Variants in ZNF471 observed in about 807,000 individuals in gnomAD.
ZNF471 encodes the protein zinc finger protein 471.
Under a neutral mutation model 13.7 loss-of-function variants are expected in ZNF471, and 7 were observed. That is an observed-to-expected ratio of 0.51 (90% CI 0.29 to 0.96). ZNF471 has a LOEUF of 0.96. Ranked by LOEUF, ZNF471 falls within the 40% of genes least tolerant of loss-of-function variation. The pLI is 0.08. For missense variants in ZNF471, 663 were observed against 743.3 expected (o/e 0.89, Z 1.26); for synonymous variants, 218 against 235.6 (o/e 0.93, Z 0.68).
Position 56,529,935 on chromosome 19 carries a change from TAGTC to T in ZNF471, c.*3991_*3994del, listed in dbSNP as rs1470785997. 6.6e-6 allele frequency: 1 copy of T among 152,218 alleles called. No individual in the cohort carries two copies. The highest frequency in any genetic ancestry group is 1.5e-5 in the Non-Finnish European group (1 of 68,026). 9.4% of individuals were successfully genotyped at this position (152,218 alleles called of 1,614,324 possible). A position where few individuals can be genotyped will look rare whatever the true frequency, so the allele number is the denominator to read the frequency against. ...TTACCCTTTGCCACAATTCTACACCTAGTCAGTTATGTTCTCAAAAAGCACAAGT... is the reference window on the plus strand; with the variant it reads ...TTACCCTTTGCCACAATTCTACACCTAGTTATGTTCTCAAAAAGCACAAGT... On this transcript the variant is annotated 3_prime_UTR_variant, in exon 5 of 5. Transcript: ENST00000308031.
chr19:56,513,359 G>A (rs2043836014), intron 2 of ZNF471, among the ~76,000 whole-genome samples: 1 of 152,178 alleles, frequency 6.6e-6, no homozygotes. Flanking sequence ...TTTGTTTTAA[G>A]TCAGTGTTCA....
In ZNF471 at chr19:56,525,301, T is replaced by C. The variant is rs767294295; in HGVS notation, c.1234T>C (p.Phe412Leu). ...CAAATGTGGTGTGTGTGGAAAAACC[T>C]TCAGCTCGGGTTCATCCCGTACTGT... ...PYKCGVCGKT[F>L]SSGSSRTVHQ... is the part of the protein sequence containing the mutation. Residue 412 changes from phenylalanine (F) to leucine (L), a missense_variant, in exon 5 of 5, where the codon TTC becomes CTC. By Grantham distance (22) the Phe-to-Leu change is conservative. Coordinates refer to ENST00000308031, the MANE Select transcript of ZNF471 (RefSeq NM_020813.4). The C allele has an allele frequency of 3.8e-5, 62 of 1,611,768 alleles. No homozygotes were observed. The highest frequency in any genetic ancestry group is 4.8e-5 in the Non-Finnish European group (56 of 1,178,508).
Position 56,525,399 on chromosome 19 carries a change from ATCAC to A in ZNF471, c.1340_1343del (p.Thr447SerfsTer31), listed in dbSNP as rs778660012. 14 of 1,614,018 alleles carry A rather than the reference ATCAC, an allele frequency of 8.7e-6. No individual in the cohort carries two copies. Among genetic ancestry groups the A allele is most frequent in the African/African-American group, 1.3e-5 (1 of 74,900 alleles). On this transcript the variant is annotated frameshift_variant, in exon 5 of 5. Transcript: ENST00000308031. LOFTEE classifies it low-confidence loss of function (END_TRUNC). ...GTGGGAAAGATTTTAGCCATCATGC[ATCAC>A]TCACTCAGCATCAAAGAGTACATTC...
chr19:56,525,641 A>C lies in ZNF471; in HGVS notation c.1574A>C (p.Lys525Thr). 1.9e-6 allele frequency: 3 copies of C among 1,614,090 alleles called. No homozygotes were observed. Among genetic ancestry groups the C allele is most frequent in the Non-Finnish European group, 2.5e-6 (3 of 1,180,022 alleles). ...TGTATTGAATGTGGAAATGCTTTCA[A>C]ACAGAGATCACACCTTGCCCAACAT... ...YECIECGNAF[K>T]QRSHLAQHQK... The change falls in exon 5 of 5, where the codon AAA (lysine) becomes ACA (threonine). Residue 525 changes from lysine to threonine, a missense_variant. Coordinates refer to ENST00000308031, the MANE Select transcript of ZNF471 (RefSeq NM_020813.4).
chr19:56,517,785 C>G (rs978483164), intron 3 of ZNF471, among the ~76,000 whole-genome samples: 1 of 152,218 alleles, frequency 6.6e-6, no homozygotes, highest in African/African-American at 2.4e-5. Flanking sequence ...TTCCCTGACT[C>G]TATCCTTACC....
chr19:56,512,656 TCA>T lies in ZNF471; in HGVS notation c.33+1053_33+1054del, dbSNP rs532487319. ...ATTTGGTTCTGTTGCTGTACTACAC[TCA>T]GTTTTACTTGAATTTCTGCTTTTAA... On this transcript the variant is annotated intron_variant, in intron 2 of 4. Transcript: ENST00000308031. Among the ~76,000 whole-genome samples, 266 of 152,270 alleles carry T rather than the reference TCA, an allele frequency of 1.7e-3. 1 individual carries two copies. The highest frequency in any genetic ancestry group is 2.6e-3 in the Non-Finnish European group (175 of 67,998).
Position 56,510,283 on chromosome 19 carries a change from G to A in ZNF471, c.-55-1234G>A, listed in dbSNP as rs1229691069. On this transcript the variant is annotated intron_variant, in intron 1 of 4. Coordinates refer to ENST00000308031, the MANE Select transcript of ZNF471 (RefSeq NM_020813.4). This position sits in a 1 kb window ranked among gnomAD's most constrained non-coding sequence, Gnocchi z 4.3. ...GCCTCTTTGAAAGATACCATTGAATGTGTATGTATGAGAGACCATCATGTT... is the reference window on the plus strand; with the variant it reads ...GCCTCTTTGAAAGATACCATTGAATATGTATGTATGAGAGACCATCATGTT... 4.1e-6 allele frequency: 4 copies of A among 985,350 alleles called. No individual in the cohort carries two copies. Among genetic ancestry groups the A allele is most frequent in the African/African-American group, 1.7e-5 (1 of 57,222 alleles). The allele number at this position is 985,350 out of a possible 1,614,324, so 61.0% of individuals were successfully genotyped here.
Position 56,525,837 on chromosome 19 carries a change from A to G in ZNF471, c.1770A>G (p.Gln590=). 6.2e-7 allele frequency: 1 copy of G among 1,614,178 alleles called. No individual in the cohort carries two copies. Among genetic ancestry groups the G allele is most frequent in the Non-Finnish European group, 8.5e-7 (1 of 1,180,032 alleles). Residue 590 remains glutamine, a synonymous_variant, in exon 5 of 5, where the codon CAA becomes CAG. Coordinates refer to ENST00000308031, the MANE Select transcript of ZNF471 (RefSeq NM_020813.4). ...ATAGCTCATCCTGTGCTCAGCATCA[A>G]AGACTCCACACTGGCCAAAGGCCCT... ...FSDSSSCAQH[Q]RLHTGQRPYQ...
rs556511022 is a variant in ZNF471, at chr19:56,515,160, T to A, written c.34-1115T>A. On this transcript the variant is annotated intron_variant, in intron 2 of 4. Coordinates refer to ENST00000308031, the MANE Select transcript of ZNF471 (RefSeq NM_020813.4). The stretch of plus-strand genomic sequence containing the variant: ...ATTGGTAAAATTCTGGTAGTATATA[T>A]ACTAGATTACTAACCATAAGTACCA... 5.3e-5 allele frequency among the ~76,000 whole-genome samples: 8 copies of A among 152,284 alleles called. No individual in the cohort carries two copies. The South Asian group carries it at 1.7e-3, about 32-fold the overall frequency.
chr19:56,523,905 T>C (rs1242514586), intron 4 of ZNF471, among the ~76,000 whole-genome samples: 1 of 152,116 alleles, frequency 6.6e-6, no homozygotes, highest in Non-Finnish European at 1.5e-5. Flanking sequence ...CTCACTGCAG[T>C]CTCAACCTCC....
chr19:56,516,171 CT>C lies in ZNF471; in HGVS notation c.34-102del. ...GGATCTTCCTATTTATGTTTTTTCTCTTCTATGAGTTATTTCTCACCTAAAG... is the reference window on the plus strand; with the variant it reads ...GGATCTTCCTATTTATGTTTTTTCTCTCTATGAGTTATTTCTCACCTAAAG... On this transcript the variant is annotated intron_variant, in intron 2 of 4. Coordinates refer to ENST00000308031, the MANE Select transcript of ZNF471 (RefSeq NM_020813.4). The surrounding 1 kb of genome is among the most constrained non-coding windows in gnomAD (Gnocchi z 4.4). 8.3e-7 allele frequency: 1 copy of C among 1,198,790 alleles called. No homozygotes were observed. The allele number at this position is 1,198,790 out of a possible 1,614,324, so 74.3% of individuals were successfully genotyped here.
chr19:56,512,524 G>T (rs550575099), intron 2 of ZNF471, among the ~76,000 whole-genome samples: 1 of 151,950 alleles, frequency 6.6e-6, no homozygotes, highest in African/African-American at 2.4e-5. Context: ...AATAAGTGAG[G>T]CAGAGATTTA....
chr19:56,523,119 A>T (rs1020697095), intron 4 of ZNF471, among the ~76,000 whole-genome samples: 1 of 152,268 alleles, frequency 6.6e-6, no homozygotes, highest in African/African-American at 2.4e-5. Flanking sequence ...TACTCGTGGT[A>T]GTAAATAAGA....
intron 4 of ZNF471, among the ~76,000 whole-genome samples, chr19:56,523,418 A>G (rs184366217): frequency 1.1e-4 from 17 of 152,088 alleles, no homozygotes; most frequent in African/African-American, 3.6e-4. Context: ...AGGCTGTTGA[A>G]AGTAAGATGA....
Position 56,524,219 on chromosome 19 carries a change from G to A in ZNF471, c.257-105G>A. ...CAGTTGACATGCCTGTACATAACAG[G>A]TTTTGTGAGATTTATTAAATATTTT... On this transcript the variant is annotated intron_variant, in intron 4 of 4. Coordinates refer to ENST00000308031, the MANE Select transcript of ZNF471 (RefSeq NM_020813.4). The surrounding 1 kb of genome is among the most constrained non-coding windows in gnomAD (Gnocchi z 4.8). 1 of 843,730 alleles carries A rather than the reference G, an allele frequency of 1.2e-6. No individual in the cohort carries two copies. The highest frequency in any genetic ancestry group is 1.8e-6 in the Non-Finnish European group (1 of 566,250). 52.3% of individuals were successfully genotyped at this position (843,730 alleles called of 1,614,324 possible).
intron 2 of ZNF471, among the ~76,000 whole-genome samples, chr19:56,515,420 T>C (rs937538164): frequency 6.6e-6 from 1 of 152,222 alleles, no homozygotes; most frequent in Non-Finnish European, 1.5e-5. Flanking sequence ...AATTTTGTAA[T>C]TCTTTTATAT....
In ZNF471 at chr19:56,522,324, G is replaced by C. The variant is rs2043985049; in HGVS notation, c.257-2000G>C. Among the ~76,000 whole-genome samples the C allele has an allele frequency of 6.6e-6, 1 of 152,172 alleles. No homozygotes were observed. The highest frequency in any genetic ancestry group is 2.4e-5 in the African/African-American group (1 of 41,434). On this transcript the variant is annotated intron_variant, in intron 4 of 4. Coordinates refer to ENST00000308031, the MANE Select transcript of ZNF471 (RefSeq NM_020813.4). This position sits in a 1 kb window ranked among gnomAD's most constrained non-coding sequence, Gnocchi z 4.1. ...TAATACCTCAAAACCTTTCTTGACT[G>C]CTCTAGTGGATTTGATCTCTCCCAT...
At chr19:56,511,213 C>T (rs2043806899) in intron 1 of ZNF471, among the ~76,000 whole-genome samples, 2 of 151,432 alleles carry the variant, frequency 1.3e-5, no homozygotes, top group Admixed American at 1.3e-4. Flanking sequence ...CCACCTTTAC[C>T]TGTAAAATGG....
In ZNF471 at chr19:56,521,638, C is replaced by CAAAA. The variant is rs372849279; in HGVS notation, c.257-2668_257-2665dup. On this transcript the variant is annotated intron_variant, in intron 4 of 4. Coordinates refer to ENST00000308031, the MANE Select transcript of ZNF471 (RefSeq NM_020813.4). ...CGGGCAACAGAGCAAGACTCTGTCT[C>CAAAA]AAAAAAAAAAAAAAAAAAAAACTCT... Among the ~76,000 whole-genome samples the CAAAA allele has an allele frequency of 2.6e-4, 21 of 82,048 alleles. 1 individual carries two copies. Among genetic ancestry groups the CAAAA allele is most frequent in the African/African-American group, 7.6e-4 (16 of 21,074 alleles). 53.8% of individuals were successfully genotyped at this position (82,048 alleles called of 152,430 possible).
Sources: gnomAD v4.1 joint callset for allele counts (sites outside exome capture counted in the v4.1 genomes callset) on GRCh38, gnomAD v4.1.1 for gene constraint, Gnocchi (gnomAD v3.1) non-coding constraint, MANE v1.5 for transcripts, NCBI Gene and HGNC (gene_info 2026-07-23, HGNC 2026-07-21) for gene names.